Variants in TENT2 observed in about 807,000 individuals in gnomAD.
TENT2 encodes terminal nucleotidyltransferase 2.
In TENT2, 44 loss-of-function variants were observed where a neutral mutation model predicts 72.2. That is an observed-to-expected ratio of 0.61 (90% CI 0.48 to 0.78). The LOEUF is 0.78. Ranked by LOEUF, TENT2 falls within the 30% of genes least tolerant of loss-of-function variation. The probability of loss-of-function intolerance (pLI) is 0.00; values close to 1 mark genes in which losing one functional copy is unlikely to be tolerated. For missense variants in TENT2, 541 were observed against 569.6 expected, an observed-to-expected ratio of 0.95 and a Z score of 0.51; for synonymous variants, 212 against 192.5, an observed-to-expected ratio of 1.10 and a Z score of -0.84.
In TENT2 at chr5:79,642,871, A is replaced by G. The variant is rs1236961149; in HGVS notation, c.712A>G (p.Ile238Val). The G allele has an allele frequency of 1.5e-5, 24 of 1,612,050 alleles. No homozygotes were observed. Among genetic ancestry groups the G allele is most frequent in the Non-Finnish European group, 2.0e-5 (23 of 1,179,216 alleles). ...AAATCAGAAGACTGAAGCACGGCAT[A>G]TACTCACCTTAGTCCATAAACACTT... ...QVNQKTEARH[I>V]LTLVHKHFCT... is the part of the protein sequence containing the mutation. Residue 238 changes from isoleucine (I) to valine (V), a missense_variant, in exon 7 of 15, where the codon ATA becomes GTA. Physicochemically the swap from Ile to Val is conservative, Grantham distance 29. Coordinates refer to ENST00000453514, the MANE Select transcript of TENT2 (RefSeq NM_001114394.3).
At position 79,631,666 on chromosome 5, in the gene TENT2, G is replaced by A. The variant is rs142717905; in HGVS notation, c.465+8177G>A. 6.3e-3 allele frequency among the ~76,000 whole-genome samples: 953 copies of A among 152,324 alleles called. 3 individuals carry two copies. Among genetic ancestry groups the A allele is most frequent in the Non-Finnish European group, 0.011 (772 of 68,028 alleles). Reference sequence around the variant, plus strand: ...GCAGTGAAAGGGAGGAGCAAAAGGTGTGAAGTTAGGACAGGCTTTTTTTGG... The same window carrying A: ...GCAGTGAAAGGGAGGAGCAAAAGGTATGAAGTTAGGACAGGCTTTTTTTGG... On this transcript the variant is annotated intron_variant, in intron 4 of 14. Coordinates refer to ENST00000453514, the MANE Select transcript of TENT2 (RefSeq NM_001114394.3).
At chr5:79,671,482 G>C (rs1255921325) in intron 12 of TENT2, among the ~76,000 whole-genome samples, 2 of 150,798 alleles carry the variant, frequency 1.3e-5, no homozygotes, top group Non-Finnish European at 2.9e-5. Context: ...TTAGCTCACT[G>C]CAACCTCCGC....
intron 6 of TENT2, among the ~76,000 whole-genome samples, chr5:79,642,332 C>T (rs1580378048): frequency 6.6e-6 from 1 of 151,834 alleles, no homozygotes; most frequent in African/African-American, 2.4e-5. Flanking sequence ...GTGGAGAGTA[C>T]AAGGGTTGTA....
chr5:79,671,215 C>T (rs1035092959), intron 12 of TENT2, among the ~76,000 whole-genome samples: 3 of 152,076 alleles, frequency 2.0e-5, no homozygotes, highest in African/African-American at 7.2e-5. Flanking sequence ...GGTTTCAGAA[C>T]TTCACCATCT....
intron 1 of TENT2, among the ~76,000 whole-genome samples, chr5:79,616,931 A>G (rs937839299): frequency 1.3e-5 from 2 of 152,132 alleles, no homozygotes; most frequent in African/African-American, 2.4e-5. Flanking sequence ...TGGCCAACCT[A>G]GGGAATTTTA....
At chr5:79,624,449 A>C (rs62365171) in intron 4 of TENT2, among the ~76,000 whole-genome samples, 10,223 of 152,166 alleles carry the variant, frequency 0.067, 534 homozygotes, top group East Asian at 0.27. Context: ...TGTACCATAA[A>C]ATTCACCCTT....
chr5:79,633,997 C>CAAAAAA (rs562252526), intron 4 of TENT2, among the ~76,000 whole-genome samples: 2 of 70,476 alleles, frequency 2.8e-5, no homozygotes, highest in African/African-American at 7.5e-5. Flanking sequence ...ACTAAAAATA[C>CAAAAAA]AAAAAAAAAA....
chr5:79,650,046 A>G (rs16876996), intron 10 of TENT2, among the ~76,000 whole-genome samples: 4 of 152,056 alleles, frequency 2.6e-5, no homozygotes, highest in African/African-American at 9.7e-5. Flanking sequence ...ATGTGGTGAC[A>G]TGAAGACCGA....
rs780564478 is a variant in TENT2, at chr5:79,623,386, T to A, written c.362T>A (p.Phe121Tyr). Residue 121 changes from phenylalanine to tyrosine, a missense_variant, in exon 4 of 15, where the codon TTT becomes TAT. By Grantham distance (22) the Phe-to-Tyr change is conservative (BLOSUM62 3). Coordinates refer to ENST00000453514, the MANE Select transcript of TENT2 (RefSeq NM_001114394.3). The part of the protein sequence containing the change: ...GERRYSMPPL[F>Y]HTHYVPDIVR... ...CGAAGATACTCAATGCCACCATTGT[T>A]TCATACACATTATGTACCAGATATA... 5 of 1,613,532 alleles carry A rather than the reference T, an allele frequency of 3.1e-6. No homozygotes were observed. Among genetic ancestry groups the A allele is most frequent in the Non-Finnish European group, 2.5e-6 (3 of 1,179,724 alleles).
At chr5:79,654,578 A>G (rs920235445) in intron 10 of TENT2, among the ~76,000 whole-genome samples, 4 of 152,164 alleles carry the variant, frequency 2.6e-5, no homozygotes, top group Admixed American at 2.0e-4. Context: ...AGCCTGGCCA[A>G]CGTGGCGAAA....
At chr5:79,659,531 CAAAAAAAAAAA>C (rs1291285987) in intron 11 of TENT2, among the ~76,000 whole-genome samples, 1 of 8,978 alleles carries the variant, frequency 1.1e-4, no homozygotes, top group Non-Finnish European at 2.0e-4. Context: ...GACTCTGTCT[CAAAAAAAAAAA>C]AAAAAAAAAA....
At chr5:79,615,486 A>G (rs531654112) in intron 1 of TENT2, among the ~76,000 whole-genome samples, 1 of 152,336 alleles carries the variant, frequency 6.6e-6, no homozygotes, top group South Asian at 2.1e-4. Flanking sequence ...CTAGATTTGT[A>G]GTGTCTATTC....
chr5:79,626,306 ATTTTTTTTT>A (rs36064690), intron 4 of TENT2, among the ~76,000 whole-genome samples: 2 of 130,004 alleles, frequency 1.5e-5, no homozygotes, highest in African/African-American at 5.7e-5. Context: ...TGCCCAGCTA[ATTTTTTTTT>A]TTTTTTTTTT....
At chr5:79,647,935 TA>T (rs1455425506) in intron 8 of TENT2, among the ~76,000 whole-genome samples, 1 of 152,228 alleles carries the variant, frequency 6.6e-6, no homozygotes, top group African/African-American at 2.4e-5. Flanking sequence ...TTTGACATGA[TA>T]CTGTAATTTA....
intron 12 of TENT2, among the ~76,000 whole-genome samples, chr5:79,670,334 TA>T (rs1811993274): frequency 6.6e-6 from 1 of 152,086 alleles, no homozygotes; most frequent in South Asian, 2.1e-4. Context: ...TTTATTTATT[TA>T]TTTTTTTGAG....
At chr5:79,655,025 T>A (rs1489249434) in intron 10 of TENT2, among the ~76,000 whole-genome samples, 2 of 152,198 alleles carry the variant, frequency 1.3e-5, no homozygotes, top group Non-Finnish European at 2.9e-5. Flanking sequence ...GTTTTGTTTT[T>A]ACTTTGCCTT....
chr5:79,634,058 A>G (rs188816522), intron 4 of TENT2, among the ~76,000 whole-genome samples: 4 of 148,770 alleles, frequency 2.7e-5, no homozygotes, highest in Admixed American at 6.7e-5. Context: ...AGTCCCAGCT[A>G]CTCGGGAGAA....
At chr5:79,631,490 T>TA (rs1484143200) in intron 4 of TENT2, among the ~76,000 whole-genome samples, 2 of 152,232 alleles carry the variant, frequency 1.3e-5, no homozygotes, top group Non-Finnish European at 2.9e-5. Context: ...ATTCATTGGC[T>TA]AGAAATGTGT....
intron 14 of TENT2, among the ~76,000 whole-genome samples, chr5:79,684,053 T>C (rs1157617643): frequency 6.6e-6 from 1 of 152,264 alleles, no homozygotes; most frequent in East Asian, 1.9e-4. Flanking sequence ...GGTGTTCTTA[T>C]TGATGAGTGA....
Sources: allele counts gnomAD v4.1 joint callset (sites outside exome capture counted in the v4.1 genomes callset), GRCh38; gene constraint gnomAD v4.1.1; transcripts MANE v1.5; gene names NCBI Gene and HGNC (gene_info 2026-07-23, HGNC 2026-07-21).